Variants in CYS1 observed in about 807,000 individuals in gnomAD.
The protein encoded by CYS1 is cystin-1.
A neutral mutation model predicts 9.6 loss-of-function variants in CYS1; 5 were observed. The observed-to-expected ratio is 0.52, with a 90% CI of 0.27 to 1.10. The LOEUF (loss-of-function observed/expected upper bound fraction) is 1.10, where lower values mean the gene tolerates loss of function less well. Among genes scored for constraint, CYS1 ranks in the 50% least tolerant of loss-of-function variants. The pLI, the probability that CYS1 is intolerant of heterozygous loss-of-function variation, is 0.11. For missense variants in CYS1, 221 were observed against 207.9 expected (o/e 1.06, Z -0.39); for synonymous variants, 88 against 95.7 (o/e 0.92, Z 0.47).
chr2:10,075,417 C>T (rs934454787), intron 1 of CYS1, among the ~76,000 whole-genome samples: 6 of 152,214 alleles, frequency 3.9e-5, no homozygotes, highest in African/African-American at 1.2e-4. Context: ...TCTTCTTGTC[C>T]CCTGGATCAA....
At chr2:10,066,006 C>T (rs558999780) in intron 1 of CYS1, 50 bp from the exon 2 acceptor site, 7 of 1,606,804 alleles carry the variant, frequency 4.4e-6, no homozygotes, top group South Asian at 3.3e-5. Flanking sequence ...AACAGTGCAG[C>T]CTGCCTAAGG....
rs554530351 is a variant in CYS1, at chr2:10,070,378, C to T, written c.319-4422G>A. On this transcript the variant is annotated intron_variant, in intron 1 of 2. Transcript: ENST00000381813. ...TCACTTTTTTTGAGATGGAGTCTTGCTCTGTCATCCAGGCTGGAGTGCAGT... is the reference window on the plus strand; with the variant it reads ...TCACTTTTTTTGAGATGGAGTCTTGTTCTGTCATCCAGGCTGGAGTGCAGT... Among the ~76,000 whole-genome samples the T allele has an allele frequency of 9.9e-4, 151 of 152,312 alleles. 1 individual carries two copies. The Middle Eastern group carries it at 0.02, about 21-fold the overall frequency.
rs1489482508 is a variant in CYS1 at position 10,080,336 on chromosome 2, G to A, written c.-113C>T. On this transcript the variant is annotated 5_prime_UTR_variant, in exon 1 of 3. Coordinates refer to ENST00000381813, the MANE Select transcript of CYS1 (RefSeq NM_001037160.3). This position sits in a 1 kb window ranked among gnomAD's most constrained non-coding sequence, Gnocchi z 6.4. The stretch of plus-strand genomic sequence containing the variant: ...CGGGCTGCAGGGGGAGGCGCGGGGC[G>A]AGGTCCGGGAAGCGACCGCGGCCAG... 1.5e-6 allele frequency: 1 copy of A among 654,662 alleles called. No individual in the cohort carries two copies. Among genetic ancestry groups the A allele is most frequent in the Non-Finnish European group, 1.9e-6 (1 of 525,972 alleles). The allele number at this position is 654,662 out of a possible 1,614,324, so 40.6% of individuals were successfully genotyped here. A position where few individuals can be genotyped will look rare whatever the true frequency, so the allele number is the denominator to read the frequency against.
intron 1 of CYS1, among the ~76,000 whole-genome samples, chr2:10,072,773 C>T (rs1254177012): frequency 6.6e-6 from 1 of 152,226 alleles, no homozygotes; most frequent in East Asian, 1.9e-4. Flanking sequence ...CTGTTCTCCC[C>T]ACACAGAGGC....
chr2:10,072,865 G>A (rs1003632277), intron 1 of CYS1, among the ~76,000 whole-genome samples: 5 of 152,166 alleles, frequency 3.3e-5, no homozygotes, highest in African/African-American at 9.7e-5. Context: ...GAGGAGCGGT[G>A]GGGGAGCGGT....
Position 10,080,085 on chromosome 2 carries a change from C to T in CYS1, c.139G>A (p.Gly47Arg), listed in dbSNP as rs1384194118. 1.9e-6 allele frequency: 2 copies of T among 1,031,270 alleles called. No individual in the cohort carries two copies. The highest frequency in any genetic ancestry group is 2.3e-6 in the Non-Finnish European group (2 of 861,626). 63.9% of individuals were successfully genotyped at this position (1,031,270 alleles called of 1,614,324 possible). A position where few individuals can be genotyped will look rare whatever the true frequency, so the allele number is the denominator to read the frequency against. ...RVPVAAAEVP[G>R]AAAEEAPGRD... is the part of the protein sequence containing the mutation. ...CCGGGCGCCTCCTCCGCGGCTGCCCCCGGGACCTCGGCCGCCGCCACCGGC... is the reference window on the plus strand; with the variant it reads ...CCGGGCGCCTCCTCCGCGGCTGCCCTCGGGACCTCGGCCGCCGCCACCGGC... Residue 47 changes from glycine to arginine, a missense_variant, in exon 1 of 3, where the codon GGG (glycine) becomes AGG (arginine). Physicochemically the swap from Gly to Arg is moderately radical, Grantham distance 125. Transcript: ENST00000381813. The surrounding 1 kb of genome is among the most constrained non-coding windows in gnomAD (Gnocchi z 6.4).
chr2:10,067,865 C>T (rs1345535885), intron 1 of CYS1, among the ~76,000 whole-genome samples: 1 of 152,108 alleles, frequency 6.6e-6, no homozygotes, highest in East Asian at 1.9e-4. Flanking sequence ...TACATTTTTC[C>T]CCTAACCTTT....
chr2:10,078,022 C>T (rs1661879427), intron 1 of CYS1, among the ~76,000 whole-genome samples: 1 of 151,784 alleles, frequency 6.6e-6, no homozygotes, highest in Admixed American at 6.6e-5. Context: ...AAGAGAATCG[C>T]TTGAACCTGG....
Position 10,058,759 on chromosome 2 carries a change from A to G in CYS1, c.*94T>C, listed in dbSNP as rs1661584931. The G allele has an allele frequency of 3.7e-6, 4 of 1,074,624 alleles. No individual in the cohort carries two copies. The highest frequency in any genetic ancestry group is 5.3e-6 in the Non-Finnish European group (4 of 755,178). 66.6% of individuals were successfully genotyped at this position (1,074,624 alleles called of 1,614,324 possible). A position where few individuals can be genotyped will look rare whatever the true frequency, so the allele number is the denominator to read the frequency against. Reference sequence around the variant, plus strand: ...ATATCCGGGAGTGACTGCGTTTTGGAGGTGGTTCAGCTCCTGCTAGAGCTC... The same window carrying G: ...ATATCCGGGAGTGACTGCGTTTTGGGGGTGGTTCAGCTCCTGCTAGAGCTC... On this transcript the variant is annotated 3_prime_UTR_variant, in exon 3 of 3. Transcript: ENST00000381813.
chr2:10,060,383 G>A lies in CYS1; in HGVS notation c.372-1425C>T, dbSNP rs146478492. Among the ~76,000 whole-genome samples, 677 of 152,316 alleles carry A rather than the reference G, an allele frequency of 4.4e-3. 10 individuals are homozygous for A. The highest frequency in any genetic ancestry group is 0.015 in the African/African-American group (644 of 41,560). On this transcript the variant is annotated intron_variant, in intron 2 of 2. Transcript: ENST00000381813. Reference sequence around the variant, plus strand: ...CACTGATGCTCAGAGCACAGCCTCCGGGTCCCCGTCTGGCTCTCTGGGAAC... The same window carrying A: ...CACTGATGCTCAGAGCACAGCCTCCAGGTCCCCGTCTGGCTCTCTGGGAAC...
At chr2:10,066,537 C>T (rs553321121) in intron 1 of CYS1, among the ~76,000 whole-genome samples, 1 of 152,388 alleles carries the variant, frequency 6.6e-6, no homozygotes, top group South Asian at 2.1e-4. Flanking sequence ...GCCGTGGATT[C>T]TATGGTCCGA....
intron 2 of CYS1, among the ~76,000 whole-genome samples, chr2:10,062,535 G>A (rs1661641422): frequency 6.6e-6 from 1 of 152,080 alleles, no homozygotes; most frequent in South Asian, 2.1e-4. Context: ...CAAGTACCTG[G>A]GAATACAGGC....
At chr2:10,079,007 A>G (rs1267635863) in intron 1 of CYS1, among the ~76,000 whole-genome samples, 1 of 152,230 alleles carries the variant, frequency 6.6e-6, no homozygotes, top group East Asian at 1.9e-4. Context: ...GTGTTATATA[A>G]CTGCAGGCTG....
chr2:10,059,009 A>C, intron 2 of CYS1, 51 bp from the exon 3 acceptor site: 2 of 1,498,120 alleles, frequency 1.3e-6, no homozygotes, highest in Non-Finnish European at 9.0e-7. Context: ...TGGTGCGTTC[A>C]CACTCATTTC....
chr2:10,065,989 G>A, intron 1 of CYS1, 33 bp from the exon 2 acceptor site: 1 of 1,613,668 alleles, frequency 6.2e-7, no homozygotes, highest in Non-Finnish European at 8.5e-7. Flanking sequence ...GACATTCAAA[G>A]ATTGTCAACA....
intron 1 of CYS1, 112 bp downstream of exon 1, chr2:10,079,794 C>A (rs374275735): frequency 2.2e-5 from 14 of 642,950 alleles, no homozygotes; most frequent in East Asian, 1.7e-4. Flanking sequence ...GCACGCAAGT[C>A]GGAGGCTGGA....
intron 1 of CYS1, among the ~76,000 whole-genome samples, chr2:10,069,937 C>T (rs1418584539): frequency 6.6e-6 from 1 of 152,220 alleles, no homozygotes; most frequent in Non-Finnish European, 1.5e-5. Context: ...TTGTGTTCAA[C>T]ACAGAGGACT....
intron 2 of CYS1, 99 bp from the exon 3 acceptor site, chr2:10,059,057 G>T: frequency 8.7e-7 from 1 of 1,155,302 alleles, no homozygotes; most frequent in South Asian, 1.4e-5. Flanking sequence ...GGCCCATCCT[G>T]AAACCCAAAC....
rs1572463777 is a variant in CYS1, at chr2:10,079,971, C to A, written c.253G>T (p.Gly85Cys). 1.8e-6 allele frequency: 2 copies of A among 1,104,950 alleles called. No homozygotes were observed. Among genetic ancestry groups the A allele is most frequent in the Non-Finnish European group, 2.2e-6 (2 of 907,778 alleles). The allele number at this position is 1,104,950 out of a possible 1,614,324, so 68.4% of individuals were successfully genotyped here. ...CGGCGCGGGGCGGGCTCCGGGGGGC[C>A]CCAGGCCGCCGACTCGGCCAGCAGC... Reference protein sequence around the residue: ...DELLAESAAWGPPEPAPRRPA... With the variant: ...DELLAESAAWCPPEPAPRRPA... The change falls in exon 1 of 3, where the codon GGC becomes TGC. Residue 85 changes from glycine to cysteine, a missense_variant. By Grantham distance (159) the Gly-to-Cys change is radical. Coordinates refer to ENST00000381813, the MANE Select transcript of CYS1 (RefSeq NM_001037160.3).
Sources: gnomAD v4.1 joint callset for allele counts (sites outside exome capture counted in the v4.1 genomes callset) on GRCh38, gnomAD v4.1.1 for gene constraint, Gnocchi (gnomAD v3.1) non-coding constraint, MANE v1.5 for transcripts, NCBI Gene and HGNC (gene_info 2026-07-23, HGNC 2026-07-21) for gene names.